The following TRPM3 variants were observed in gnomAD, a reference collection of about 807,000 sequenced individuals.
TRPM3 encodes the protein long transient receptor potential channel 3.
In TRPM3, 77 loss-of-function variants were observed where a neutral mutation model predicts 181.2. The ratio of observed to expected loss-of-function variants is 0.42; its 90% CI spans 0.35 to 0.51. TRPM3 has a LOEUF of 0.51. Ranked by LOEUF, TRPM3 falls within the 20% of genes least tolerant of loss-of-function variation. TRPM3 has a pLI of 0.01. For missense variants in TRPM3, 1,759 were observed against 2,196.7 expected, an observed-to-expected ratio of 0.80 and a Z score of 3.98; for synonymous variants, 745 against 796.4, an observed-to-expected ratio of 0.94 and a Z score of 1.09.
Position 70,615,928 on chromosome 9 carries a change from CCT to C in TRPM3, c.2504_2505del (p.Glu835GlyfsTer23). 6.2e-7 allele frequency: 1 copy of C among 1,606,488 alleles called. No homozygotes were observed. The highest frequency in any genetic ancestry group is 8.5e-7 in the Non-Finnish European group (1 of 1,177,918). On this transcript the variant is annotated frameshift_variant, in exon 18 of 26. Transcript: ENST00000677713. LOFTEE classifies it high-confidence loss of function. ...EEPEKPTKEK[E>X]EEDMELTAML... ...CTTACTGTGAGCTCCATGTCCTCTT[CCT>C]CTTTTTCCTTTGTGGGCTTCTCTGG...
At chr9:70,943,075 G>T (rs2096901019) in intron 1 of TRPM3, among the ~76,000 whole-genome samples, 1 of 152,016 alleles carries the variant, frequency 6.6e-6, no homozygotes, top group Non-Finnish European at 1.5e-5. Context: ...AACTGTGGCA[G>T]TTTGGCAATG....
intron 1 of TRPM3, among the ~76,000 whole-genome samples, chr9:71,361,284 G>A (rs995058024): frequency 1.9e-4 from 29 of 152,186 alleles, no homozygotes; most frequent in African/African-American, 5.8e-4. Context: ...TGGGTTTTGC[G>A]ATTTCAAAAA....
At chr9:71,226,565 C>CT (rs1260027373) in intron 1 of TRPM3, among the ~76,000 whole-genome samples, 1 of 151,508 alleles carries the variant, frequency 6.6e-6, no homozygotes, top group African/African-American at 2.4e-5. Context: ...AAGTCAAAAA[C>CT]TATAAAAAGA....
intron 1 of TRPM3, among the ~76,000 whole-genome samples, chr9:70,898,298 A>AT (rs1390260994): frequency 6.6e-6 from 1 of 150,800 alleles, no homozygotes; most frequent in African/African-American, 2.4e-5. Flanking sequence ...AATTTTTTGT[A>AT]TTTTTAGTAG....
At position 70,552,977 on chromosome 9, in the gene TRPM3, G is replaced by A; in HGVS notation, c.3441C>T (p.Ile1147=). 1 of 1,614,178 alleles carries A rather than the reference G, an allele frequency of 6.2e-7. No homozygotes were observed. Among genetic ancestry groups the A allele is most frequent in the Middle Eastern group, 1.6e-4 (1 of 6,062 alleles). The change falls in exon 24 of 26, where the codon ATC becomes ATT. Residue 1147 remains isoleucine (I), a synonymous_variant. Coordinates refer to ENST00000677713, the MANE Select transcript of TRPM3 (RefSeq NM_001366145.2). Reference sequence around the variant, plus strand: ...GAACTGGCCTTTCATGGAAAGTCATGATGAGCTGATACCTCTGAAACTTCC... The same window carrying A: ...GAACTGGCCTTTCATGGAAAGTCATAATGAGCTGATACCTCTGAAACTTCC... ...QVWKFQRYQL[I]MTFHERPVLP... is the part of the protein sequence containing the mutation.
chr9:71,060,209 G>A (rs1488677462), intron 1 of TRPM3, among the ~76,000 whole-genome samples: 2 of 152,052 alleles, frequency 1.3e-5, no homozygotes, highest in Non-Finnish European at 2.9e-5. Context: ...CCAGGGACCA[G>A]CTTTCTACCA....
At chr9:71,352,960 G>T (rs1460041413) in intron 1 of TRPM3, among the ~76,000 whole-genome samples, 1 of 151,974 alleles carries the variant, frequency 6.6e-6, no homozygotes, top group Non-Finnish European at 1.5e-5. Flanking sequence ...AACTATCCTG[G>T]CTTCAAAACC....
chr9:70,851,619 C>G (rs939298468), intron 3 of TRPM3, among the ~76,000 whole-genome samples: 1 of 152,076 alleles, frequency 6.6e-6, no homozygotes, highest in African/African-American at 2.4e-5. Context: ...GTAACTTAAC[C>G]CATACAAAGC....
intron 1 of TRPM3, among the ~76,000 whole-genome samples, chr9:71,259,408 G>A (rs2082887863): frequency 6.6e-6 from 1 of 152,168 alleles, no homozygotes; most frequent in African/African-American, 2.4e-5. Flanking sequence ...TATATACCCA[G>A]TAATGGGATT....
At chr9:71,301,587 T>C (rs2086781824) in intron 1 of TRPM3, among the ~76,000 whole-genome samples, 1 of 152,216 alleles carries the variant, frequency 6.6e-6, no homozygotes, top group South Asian at 2.1e-4. Context: ...TGGTTAACTT[T>C]TCTCTATGTA....
Position 70,625,320 on chromosome 9 carries a change from G to A in TRPM3, c.1680C>T (p.Pro560=). 1 of 1,614,078 alleles carries A rather than the reference G, an allele frequency of 6.2e-7. No individual in the cohort carries two copies. Among genetic ancestry groups the A allele is most frequent in the South Asian group, 1.1e-5 (1 of 91,058 alleles). The change falls in exon 14 of 26, where the codon CCC becomes CCT. Residue 560 remains proline (P), a synonymous_variant. Transcript: ENST00000677713. This position sits in a 1 kb window ranked among gnomAD's most constrained non-coding sequence, Gnocchi z 4.8. ...FGWIYFKGNL[P]PDYRISLIDI... is the part of the protein sequence containing the mutation. ...CAATCAGGCTGATTCTGTAGTCTGG[G>A]GGCAGGTTCCCCTATCAGGGTAGAA...
At chr9:70,842,906 A>C in intron 5 of TRPM3, 97 bp downstream of exon 5, 1 of 1,248,372 alleles carries the variant, frequency 8.0e-7, no homozygotes, top group Non-Finnish European at 1.1e-6. Context: ...GACCCAAAGA[A>C]TACTATAATG....
At chr9:71,064,456 G>C (rs1278490874) in intron 1 of TRPM3, among the ~76,000 whole-genome samples, 1 of 151,276 alleles carries the variant, frequency 6.6e-6, no homozygotes, top group Non-Finnish European at 1.5e-5. Flanking sequence ...TTACTTAATA[G>C]AGAGTTTTCA....
At chr9:71,192,519 A>T (rs1311447768) in intron 1 of TRPM3, among the ~76,000 whole-genome samples, 1 of 151,926 alleles carries the variant, frequency 6.6e-6, no homozygotes, top group African/African-American at 2.4e-5. Flanking sequence ...AGTGATGTTG[A>T]GCATGTTTTC....
intron 1 of TRPM3, among the ~76,000 whole-genome samples, chr9:70,905,006 T>C (rs750000080): frequency 6.6e-6 from 1 of 152,216 alleles, no homozygotes. Flanking sequence ...TCAACTGTTT[T>C]GGCAACTTTC....
intron 1 of TRPM3, among the ~76,000 whole-genome samples, chr9:71,131,002 A>T (rs985372615): frequency 6.6e-6 from 1 of 152,204 alleles, no homozygotes. Flanking sequence ...AAACACCACA[A>T]TTAAAATAGA....
chr9:71,340,936 C>T (rs1207868443), intron 1 of TRPM3, among the ~76,000 whole-genome samples: 1 of 152,074 alleles, frequency 6.6e-6, no homozygotes, highest in Non-Finnish European at 1.5e-5. Context: ...AACGCAACAA[C>T]AACCATCACC....
At position 70,977,428 on chromosome 9, in the gene TRPM3, C is replaced by T. The variant is rs538251982; in HGVS notation, c.178-112917G>A. 2.3e-4 allele frequency among the ~76,000 whole-genome samples: 35 copies of T among 152,378 alleles called. No individual in the cohort carries two copies. In the South Asian group the frequency reaches 7.2e-3, roughly 32 times the overall value. ...GGATTACAGGCGTGAGCCACCACGC[C>T]TGGCCCAGTCTGAACTGTTCTTTAC... is the stretch of plus-strand genomic sequence containing the variant. On this transcript the variant is annotated intron_variant, in intron 1 of 25. Transcript: ENST00000677713.
rs530334478 is a variant in TRPM3, at chr9:71,260,879, T to C, written c.183+185774A>G. On this transcript the variant is annotated intron_variant, in intron 1 of 24. Coordinates refer to the TRPM3 transcript ENST00000357533. ...TATTTGAATACCTTTTATCTCTTTCTCTTGCCTGAGTGTCCTTTGTGGGTA... is the reference window on the plus strand; with the variant it reads ...TATTTGAATACCTTTTATCTCTTTCCCTTGCCTGAGTGTCCTTTGTGGGTA... 6.6e-5 allele frequency among the ~76,000 whole-genome samples: 10 copies of C among 152,332 alleles called. No homozygotes were observed. In the South Asian group the frequency reaches 2.1e-3, roughly 32 times the overall value.
Sources: gnomAD v4.1 joint callset for allele counts (sites outside exome capture counted in the v4.1 genomes callset) on GRCh38, gnomAD v4.1.1 for gene constraint, Gnocchi (gnomAD v3.1) non-coding constraint, MANE v1.5 for transcripts, NCBI Gene and HGNC (gene_info 2026-07-23, HGNC 2026-07-21) for gene names.